Variants in WHRN observed in about 807,000 individuals in gnomAD.
WHRN encodes whirlin, also known as CASK-interacting protein CIP98.
Under a neutral mutation model 68.3 loss-of-function variants are expected in WHRN, and 41 were observed. The observed-to-expected ratio is 0.60, with a 90% CI of 0.47 to 0.78. WHRN has a LOEUF of 0.78. Ranked by LOEUF, WHRN falls within the 30% of genes least tolerant of loss-of-function variation. WHRN has a pLI of 0.00. For synonymous variants in WHRN, 560 were observed against 561.3 expected, an observed-to-expected ratio of 1.00 and a Z score of 0.03; for missense variants, 1,243 against 1,244.7, an observed-to-expected ratio of 1.00 and a Z score of 0.02.
chr9:114,416,436 G>C (rs142960586), intron 7 of WHRN, among the ~76,000 whole-genome samples: 2 of 152,320 alleles, frequency 1.3e-5, no homozygotes, highest in Non-Finnish European at 2.9e-5. Context: ...TCTGGTGGGA[G>C]GTGATCGGAT....
At chr9:114,403,417 A>G in intron 10 of WHRN, 78 bp from the exon 11 acceptor site, 1 of 1,591,828 alleles carries the variant, frequency 6.3e-7, no homozygotes, top group Non-Finnish European at 8.6e-7. Flanking sequence ...GGGCCGTGAC[A>G]CCACCCTGGG....
chr9:114,456,621 A>T (rs10739418), intron 3 of WHRN, among the ~76,000 whole-genome samples: 1 of 151,592 alleles, frequency 6.6e-6, no homozygotes, highest in Non-Finnish European at 1.5e-5. Flanking sequence ...TGAGGTGGGG[A>T]GTTTAAGACC....
Position 114,406,613 on chromosome 9 carries a change from TG to T in WHRN, c.1977del (p.Ser660AlafsTer30), listed in dbSNP as rs761461053. 27 of 1,610,284 alleles carry T rather than the reference TG, an allele frequency of 1.7e-5. No individual in the cohort carries two copies. Among genetic ancestry groups the T allele is most frequent in the Non-Finnish European group, 1.6e-5 (19 of 1,177,526 alleles). ...TGGGCGTCCAGCGGCCTCTTGGAGC[TG>T]GGGTTGGCAGGGGAGACGGAGGCAT... Reference protein sequence around the residue: ...PIYASVSPANPSSKRPLDAHL... With the variant: ...PIYASVSPANXSSKRPLDAHL... On this transcript the variant is annotated frameshift_variant, in exon 9 of 12. Transcript: ENST00000362057. LOFTEE classifies it high-confidence loss of function.
chr9:114,429,227 C>T (rs181311870), intron 3 of WHRN, among the ~76,000 whole-genome samples: 35 of 152,280 alleles, frequency 2.3e-4, no homozygotes, highest in Admixed American at 1.8e-3. Flanking sequence ...CACCGCGCCC[C>T]GCCAGTGTCA....
chr9:114,410,197 G>T (rs1447537450), intron 7 of WHRN, among the ~76,000 whole-genome samples: 1 of 152,084 alleles, frequency 6.6e-6, no homozygotes, highest in African/African-American at 2.4e-5. Flanking sequence ...TCCTGCTTTG[G>T]TTTTCTGTGT....
chr9:114,430,512 C>T (rs1179745254), intron 3 of WHRN, among the ~76,000 whole-genome samples: 1 of 152,120 alleles, frequency 6.6e-6, no homozygotes, highest in Non-Finnish European at 1.5e-5. Context: ...AGTGTTGTGG[C>T]TTCCAAACCT....
rs1564136172 is a variant in WHRN at position 114,424,472 on chromosome 9, CA to C, written c.1277del (p.Leu426ArgfsTer9). 6.2e-7 allele frequency: 1 copy of C among 1,614,050 alleles called. No homozygotes were observed. Among genetic ancestry groups the C allele is most frequent in the Admixed American group, 1.7e-5 (1 of 60,026 alleles). ...TCAGCAGGTGCCGAGCCTGCTCCTC[CA>C]GCAGCACTCGTGTCTGGTTCCCCAG... ...SSLGNQTRVL[L>X]EEQARHLLNE... On this transcript the variant is annotated frameshift_variant, in exon 6 of 12. Transcript: ENST00000362057. LOFTEE classifies it high-confidence loss of function.
intron 1 of WHRN, among the ~76,000 whole-genome samples, chr9:114,501,549 A>C (rs1315382222): frequency 1.0e-5 from 1 of 95,520 alleles, no homozygotes; most frequent in Non-Finnish European, 1.9e-5. Flanking sequence ...TTTAATTTTT[A>C]TTACACACAC....
At chr9:114,428,488 A>G (rs1034710264) in intron 3 of WHRN, among the ~76,000 whole-genome samples, 14 of 152,194 alleles carry the variant, frequency 9.2e-5, no homozygotes, top group Admixed American at 9.2e-4. Context: ...AGTAAGTATC[A>G]TAGCTCTCCA....
chr9:114,463,347 T>C (rs530812262), intron 3 of WHRN, among the ~76,000 whole-genome samples: 1 of 152,308 alleles, frequency 6.6e-6, no homozygotes, highest in South Asian at 2.1e-4. Context: ...TCTGCCCCCA[T>C]TTTCCTTCTC....
At chr9:114,419,779 CTG>C (rs1206101854) in intron 7 of WHRN, among the ~76,000 whole-genome samples, 1 of 152,208 alleles carries the variant, frequency 6.6e-6, no homozygotes, top group African/African-American at 2.4e-5. Context: ...GATCCTAAAA[CTG>C]AGCTCAGAGA....
rs553712747 is a variant in WHRN, at chr9:114,447,327, T to C, written c.963+18940A>G. ...CTCCACACGCCCTGGCTGTGTCACC[T>C]TGGGTAAATCATTTAAACTCTCTGA... is the stretch of plus-strand genomic sequence containing the variant. On this transcript the variant is annotated intron_variant, in intron 3 of 11. Coordinates refer to ENST00000362057, the MANE Select transcript of WHRN (RefSeq NM_015404.4). Among the ~76,000 whole-genome samples, 30 of 152,280 alleles carry C rather than the reference T, an allele frequency of 2.0e-4. 1 individual carries two copies. The South Asian group carries it at 5.8e-3, about 29-fold the overall frequency.
Position 114,464,870 on chromosome 9 carries a change from G to A in WHRN, c.963+1397C>T, listed in dbSNP as rs185211895. The stretch of plus-strand genomic sequence containing the variant: ...TGATGATGATGATGATGATGATGTC[G>A]TCTGTCTGTCCCTTTGGGCTGCTAT... On this transcript the variant is annotated intron_variant, in intron 3 of 11. Transcript: ENST00000362057. Among the ~76,000 whole-genome samples the A allele has an allele frequency of 1.4e-3, 183 of 127,298 alleles. 1 individual carries two copies. The highest frequency in any genetic ancestry group is 7.4e-3 in the African/African-American group (157 of 21,296). 83.5% of individuals were successfully genotyped at this position (127,298 alleles called of 152,430 possible). A position where few individuals can be genotyped will look rare whatever the true frequency, so the allele number is the denominator to read the frequency against.
At chr9:114,447,769 TC>T (rs1451206323) in intron 3 of WHRN, among the ~76,000 whole-genome samples, 1 of 152,150 alleles carries the variant, frequency 6.6e-6, no homozygotes, top group African/African-American at 2.4e-5. Context: ...TTTCTCTCTC[TC>T]TCTTTCTCTC....
At chr9:114,403,126 T>C (rs2132184306) in intron 11 of WHRN, 91 bp downstream of exon 11, 1 of 1,587,674 alleles carries the variant, frequency 6.3e-7, no homozygotes, top group Non-Finnish European at 8.6e-7. Flanking sequence ...GAGTGCCGTG[T>C]TACCCATGGG....
chr9:114,504,501 A>G lies in WHRN; in HGVS notation c.301T>C (p.Ser101Pro). 1 of 1,609,290 alleles carries G rather than the reference A, an allele frequency of 6.2e-7. No homozygotes were observed. Among genetic ancestry groups the G allele is most frequent in the Non-Finnish European group, 8.5e-7 (1 of 1,179,798 alleles). ...LPMLRLVIPR[S>P]DQLLFDQYTA... ...TATTGGTCGAAGAGCAGCTGGTCGG[A>G]GCGCGGGATGACCAGACGAAGCATG... The change falls in exon 1 of 12, where the codon TCC becomes CCC. Residue 101 changes from serine to proline, a missense_variant. By Grantham distance (74) the Ser-to-Pro change is moderately conservative. Transcript: ENST00000362057.
intron 9 of WHRN, 67 bp downstream of exon 9, chr9:114,406,288 C>T (rs1191506501): frequency 4.5e-5 from 73 of 1,604,600 alleles, no homozygotes; most frequent in Non-Finnish European, 6.1e-5. Context: ...ACTGTGTCAT[C>T]AGGTAGACTG....
intron 1 of WHRN, among the ~76,000 whole-genome samples, chr9:114,499,832 T>C (rs964961238): frequency 1.3e-5 from 2 of 152,206 alleles, no homozygotes; most frequent in African/African-American, 4.8e-5. Flanking sequence ...AACCAACTGA[T>C]GAATTGATGG....
chr9:114,416,033 A>G (rs766545386), intron 7 of WHRN, among the ~76,000 whole-genome samples: 78 of 152,216 alleles, frequency 5.1e-4, no homozygotes, highest in Non-Finnish European at 7.9e-4. Context: ...AAGGAGGCCA[A>G]TGCAGAGAAG....
Sources: gnomAD v4.1 joint callset for allele counts (sites outside exome capture counted in the v4.1 genomes callset) on GRCh38, gnomAD v4.1.1 for gene constraint, MANE v1.5 for transcripts, NCBI Gene and HGNC (gene_info 2026-07-23, HGNC 2026-07-21) for gene names.